MGMT: variants seen among roughly 807,000 people sequenced by gnomAD.
MGMT encodes methylated-DNA--protein-cysteine methyltransferase.
A neutral mutation model predicts 15.9 loss-of-function variants in MGMT; 14 were observed. The observed-to-expected ratio is 0.88, with a 90% CI of 0.58 to 1.37. The LOEUF (loss-of-function observed/expected upper bound fraction) is 1.37, where lower values mean the gene tolerates loss of function less well. Among genes scored for constraint, MGMT ranks in the 40% most tolerant of loss-of-function variants. The probability of loss-of-function intolerance (pLI) is 0.00; values close to 1 mark genes in which losing one functional copy is unlikely to be tolerated. For synonymous variants in MGMT, 130 were observed against 118.2 expected (o/e 1.10, Z -0.65); for missense variants, 282 against 268.1 (o/e 1.05, Z -0.36).
At chr10:129,520,743 C>T (rs772258707) in intron 1 of MGMT, among the ~76,000 whole-genome samples, 13 of 151,164 alleles carry the variant, frequency 8.6e-5, no homozygotes, top group Non-Finnish European at 1.8e-4. Flanking sequence ...GTACAGAACC[C>T]CTACGGTGAG....
chr10:129,470,916 A>G (rs141651990), intron 1 of MGMT, among the ~76,000 whole-genome samples: 21 of 152,332 alleles, frequency 1.4e-4, no homozygotes, highest in African/African-American at 4.8e-4. Context: ...GTGTGTAACC[A>G]TGAAAGGAAT....
At chr10:129,661,393 C>G (rs1847596031) in intron 2 of MGMT, among the ~76,000 whole-genome samples, 2 of 152,156 alleles carry the variant, frequency 1.3e-5, no homozygotes, top group Admixed American at 1.3e-4. Context: ...CCAACTCATA[C>G]TCTCAGCAGT....
intron 2 of MGMT, among the ~76,000 whole-genome samples, chr10:129,629,659 T>C (rs1486566274): frequency 2.6e-5 from 4 of 152,180 alleles, no homozygotes; most frequent in Non-Finnish European, 5.9e-5. Context: ...TTTGCATGCA[T>C]AAACCTGTGT....
intron 2 of MGMT, among the ~76,000 whole-genome samples, chr10:129,629,609 CATCTTTAGG>C (rs1199355310): frequency 1.4e-4 from 21 of 152,332 alleles, no homozygotes; most frequent in African/African-American, 4.8e-4. Flanking sequence ...TCGCGTTGAT[CATCTTTAGG>C]ATCTTTAGGA....
chr10:129,510,134 A>G (rs778209654), intron 1 of MGMT, among the ~76,000 whole-genome samples: 12 of 152,192 alleles, frequency 7.9e-5, no homozygotes, highest in Non-Finnish European at 1.6e-4. Context: ...GGACTCCAGG[A>G]GTTGCCAGGT....
intron 2 of MGMT, among the ~76,000 whole-genome samples, chr10:129,673,690 G>C (rs1189337858): frequency 6.6e-6 from 1 of 152,094 alleles, no homozygotes. Context: ...ATTAGTTGAA[G>C]AAATTGCCAC....
At chr10:129,498,050 C>T (rs996011254) in intron 1 of MGMT, among the ~76,000 whole-genome samples, 1 of 152,178 alleles carries the variant, frequency 6.6e-6, no homozygotes, top group African/African-American at 2.4e-5. Context: ...TTTTTTGTGA[C>T]CCTGGACCCT....
intron 2 of MGMT, among the ~76,000 whole-genome samples, chr10:129,562,501 G>GTGA (rs1358154860): frequency 6.6e-6 from 1 of 152,232 alleles, no homozygotes; most frequent in Admixed American, 6.5e-5. Context: ...GGGCATTTTT[G>GTGA]TGACAGATGT....
At chr10:129,665,267 C>T (rs1322021443) in intron 2 of MGMT, among the ~76,000 whole-genome samples, 1 of 143,668 alleles carries the variant, frequency 7.0e-6, no homozygotes, top group Non-Finnish European at 1.5e-5. Flanking sequence ...CGCTCACCCA[C>T]CCATCCTCTC....
chr10:129,683,669 A>ACTTAAG (rs1439597285), intron 2 of MGMT, among the ~76,000 whole-genome samples: 1 of 152,182 alleles, frequency 6.6e-6, no homozygotes, highest in Non-Finnish European at 1.5e-5. Flanking sequence ...AGTACATGTG[A>ACTTAAG]ACACTGGGTT....
At chr10:129,524,757 T>G (rs4750754) in intron 1 of MGMT, among the ~76,000 whole-genome samples, 2 of 151,504 alleles carry the variant, frequency 1.3e-5, no homozygotes, top group Admixed American at 6.6e-5. Context: ...ATGCCCGGCT[T>G]ATTTTTTTAT....
At chr10:129,503,041 A>T (rs1284898173) in intron 1 of MGMT, among the ~76,000 whole-genome samples, 3 of 152,160 alleles carry the variant, frequency 2.0e-5, no homozygotes, top group Non-Finnish European at 4.4e-5. Flanking sequence ...TGCGTGGTCC[A>T]GTTTCCAGGC....
chr10:129,770,979 A>G lies in MGMT; in HGVS notation c.*3982A>G, dbSNP rs577648986. Among the ~76,000 whole-genome samples, 8 of 152,178 alleles carry G rather than the reference A, an allele frequency of 5.3e-5. No homozygotes were observed. The South Asian group carries it at 1.2e-3, about 24-fold the overall frequency. On this transcript the variant is annotated 3_prime_UTR_variant, in exon 5 of 5. Transcript: ENST00000651593. ...GGCATTTGATTAAAAGTTTGTGTTT[A>G]AAGAGCTGAACTTCACATCAGTTTT... is the stretch of plus-strand genomic sequence containing the variant.
intron 2 of MGMT, among the ~76,000 whole-genome samples, chr10:129,706,056 G>T (rs534224818): frequency 6.6e-6 from 1 of 152,276 alleles, no homozygotes; most frequent in East Asian, 1.9e-4. Flanking sequence ...GGGCAGCTGC[G>T]GTGCCTTCTG....
At chr10:129,601,046 A>C (rs892919790) in intron 2 of MGMT, among the ~76,000 whole-genome samples, 2 of 151,638 alleles carry the variant, frequency 1.3e-5, no homozygotes, top group Non-Finnish European at 2.9e-5. Flanking sequence ...AGTAGCCTCC[A>C]TATGCCTTTC....
At chr10:129,498,314 G>A (rs1311214299) in intron 1 of MGMT, among the ~76,000 whole-genome samples, 2 of 152,308 alleles carry the variant, frequency 1.3e-5, no homozygotes, top group Non-Finnish European at 2.9e-5. Flanking sequence ...ATACCTTGGG[G>A]GAGATATTTT....
intron 1 of MGMT, among the ~76,000 whole-genome samples, chr10:129,517,646 TG>T (rs917342838): frequency 6.6e-5 from 10 of 152,048 alleles, no homozygotes; most frequent in Non-Finnish European, 1.3e-4. Flanking sequence ...TTCTTGAGGG[TG>T]GGGTGGCCAT....
At chr10:129,518,349 C>CACAA (rs1845763620) in intron 1 of MGMT, among the ~76,000 whole-genome samples, 1 of 149,058 alleles carries the variant, frequency 6.7e-6, no homozygotes, top group Non-Finnish European at 1.5e-5. Context: ...CACACACACA[C>CACAA]ACACACACAC....
chr10:129,733,534 C>G (rs1278676340), intron 3 of MGMT, among the ~76,000 whole-genome samples: 2 of 150,240 alleles, frequency 1.3e-5, no homozygotes, highest in Non-Finnish European at 3.0e-5. Flanking sequence ...ATGGTAGTTT[C>G]TTTTGCTGTG....
Sources: gnomAD v4.1 joint callset for allele counts (sites outside exome capture counted in the v4.1 genomes callset) on GRCh38, gnomAD v4.1.1 for gene constraint, MANE v1.5 for transcripts, NCBI Gene and HGNC (gene_info 2026-07-23, HGNC 2026-07-21) for gene names.